SUB1: variants seen among roughly 807,000 people sequenced by gnomAD.
SUB1 encodes SUB1 regulator of transcription, also known as activated RNA polymerase II transcriptional coactivator p15.
In SUB1, 1 loss-of-function variant was observed where a neutral mutation model predicts 16.9. The ratio of observed to expected loss-of-function variants is 0.06; its 90% CI spans 0.02 to 0.28. The LOEUF is 0.28. SUB1 is among the 10% of genes least tolerant of loss of function. SUB1 has a pLI of 1.00. For missense variants in SUB1, 84 were observed against 145.2 expected, an observed-to-expected ratio of 0.58 and a Z score of 2.16; for synonymous variants, 51 against 46.9, an observed-to-expected ratio of 1.09 and a Z score of -0.36.
rs996368073 is a variant in SUB1, at chr5:32,601,069, A to C, written c.369A>C (p.Ala123=). The change falls in exon 5 of 5, where the codon GCA becomes GCC. Residue 123 remains alanine, a synonymous_variant. Transcript: ENST00000265073. ...AACAGATTTCTGACATTGATGATGC[A>C]GTAAGAAAACTGTAAAATTCGAGCC... The part of the protein sequence containing the change: ...LKEQISDIDD[A]VRKL 17 of 1,611,706 alleles carry C rather than the reference A, an allele frequency of 1.1e-5. No individual in the cohort carries two copies. Among genetic ancestry groups the C allele is most frequent in the Non-Finnish European group, 1.4e-5 (16 of 1,179,618 alleles).
chr5:32,598,920 C>G (rs1739048232), intron 3 of SUB1, 41 bp from the exon 4 acceptor site: 4 of 1,487,140 alleles, frequency 2.7e-6, no homozygotes, highest in Admixed American at 1.8e-5. Flanking sequence ...AGATACCACT[C>G]TTGAAAGGAG....
intron 3 of SUB1, chr5:32,595,203 A>G (rs1169085221): frequency 6.6e-6 from 1 of 151,860 alleles, no homozygotes; most frequent in Non-Finnish European, 1.5e-5. Context: ...TAAAAAAAAA[A>G]ATGTTTTTGA....
chr5:32,589,475 A>G (rs1177956705), intron 2 of SUB1, among the ~76,000 whole-genome samples: 1 of 152,206 alleles, frequency 6.6e-6, no homozygotes, highest in African/African-American at 2.4e-5. Context: ...TACATTTTTA[A>G]GTTTGTACTA....
intron 4 of SUB1, among the ~76,000 whole-genome samples, chr5:32,600,566 GAT>G (rs971583409): frequency 1.3e-5 from 2 of 151,894 alleles, no homozygotes; most frequent in Admixed American, 6.6e-5. Context: ...AAATGTAAGA[GAT>G]ATGATTTTCA....
At chr5:32,587,627 T>C (rs1738706474) in intron 1 of SUB1, among the ~76,000 whole-genome samples, 1 of 152,132 alleles carries the variant, frequency 6.6e-6, no homozygotes, top group Admixed American at 6.5e-5. Flanking sequence ...TTTTTTTTTT[T>C]TGAGATGGAG....
At chr5:32,600,472 G>T (rs1042068334) in intron 4 of SUB1, among the ~76,000 whole-genome samples, 1 of 152,202 alleles carries the variant, frequency 6.6e-6, no homozygotes, top group Non-Finnish European at 1.5e-5. Flanking sequence ...GGTTACAATA[G>T]GTACTATGCA....
chr5:32,587,089 T>C (rs968899472), intron 1 of SUB1, among the ~76,000 whole-genome samples: 1 of 152,146 alleles, frequency 6.6e-6, no homozygotes, highest in South Asian at 2.1e-4. Flanking sequence ...ATACAGAAAT[T>C]AGCTAATTTA....
At chr5:32,591,509 A>T in intron 2 of SUB1, 54 bp from the exon 3 acceptor site, 1 of 1,529,860 alleles carries the variant, frequency 6.5e-7, no homozygotes, top group Non-Finnish European at 8.8e-7. Context: ...ATCTTTTGAC[A>T]CTGGGGTATG....
chr5:32,588,452 G>A, intron 1 of SUB1, 60 bp from the exon 2 acceptor site: 1 of 1,451,714 alleles, frequency 6.9e-7, no homozygotes, highest in Non-Finnish European at 9.4e-7. Flanking sequence ...TTGGGGGAGA[G>A]CTAAGTTGAA....
At position 32,591,698 on chromosome 5, in the gene SUB1, A is replaced by ATTT. The variant is rs567336710; in HGVS notation, c.195+31_195+33dup. ...TAACATGTTTCAGGTAAAGTTGGCT[A>ATTT]TTTTTTTTTTTTTTTTTTTTGACAT... On this transcript the variant is annotated intron_variant, in intron 3 of 4. Transcript: ENST00000265073. 348 of 1,383,790 alleles carry ATTT rather than the reference A, an allele frequency of 2.5e-4. No individual in the cohort carries two copies. Among genetic ancestry groups the ATTT allele is most frequent in the South Asian group, 7.7e-4 (47 of 61,206 alleles). 85.7% of individuals were successfully genotyped at this position (1,383,790 alleles called of 1,614,324 possible). A position where few individuals can be genotyped will look rare whatever the true frequency, so the allele number is the denominator to read the frequency against.
At chr5:32,593,517 T>C (rs888687356) in intron 3 of SUB1, among the ~76,000 whole-genome samples, 1 of 152,316 alleles carries the variant, frequency 6.6e-6, no homozygotes, top group African/African-American at 2.4e-5. Context: ...ACACACATTT[T>C]AGAGATTCTG....
At chr5:32,586,241 G>A (rs974316406) in intron 1 of SUB1, 1 of 152,210 alleles carries the variant, frequency 6.6e-6, no homozygotes, top group African/African-American at 2.4e-5. Context: ...GGGTTCTAGC[G>A]GCTTGCTGGG....
intron 3 of SUB1, among the ~76,000 whole-genome samples, chr5:32,593,992 T>A (rs976674667): frequency 4.6e-5 from 7 of 152,152 alleles, no homozygotes; most frequent in Non-Finnish European, 1.0e-4. Context: ...GCGCCCAGCC[T>A]AGGCCTTATT....
rs1579511939 is a variant in SUB1 at position 32,591,417 on chromosome 5, G to C, written c.73-146G>C. On this transcript the variant is annotated intron_variant, in intron 2 of 4. Coordinates refer to ENST00000265073, the MANE Select transcript of SUB1 (RefSeq NM_006713.4). Reference sequence around the variant, plus strand: ...GATTGGTTAGATTCATAGTTTTGTTGTTGAGTGAAACTTGCTTATGTATAT... The same window carrying C: ...GATTGGTTAGATTCATAGTTTTGTTCTTGAGTGAAACTTGCTTATGTATAT... 3.6e-6 allele frequency: 4 copies of C among 1,126,212 alleles called. No individual in the cohort carries two copies. In the Admixed American group the frequency reaches 1.4e-4, roughly 40 times the overall value. The allele number at this position is 1,126,212 out of a possible 1,614,324, so 69.8% of individuals were successfully genotyped here. A position where few individuals can be genotyped will look rare whatever the true frequency, so the allele number is the denominator to read the frequency against.
At chr5:32,591,146 G>A (rs540087032) in intron 2 of SUB1, 1 of 153,018 alleles carries the variant, frequency 6.5e-6, no homozygotes, top group South Asian at 2.1e-4. Flanking sequence ...AATGGAATAA[G>A]TTGGTTATAT....
At position 32,601,109 on chromosome 5, in the gene SUB1, T is replaced by C; in HGVS notation, c.*25T>C. ...AAATTCGAGCCATATAAATAAAACC[T>C]GTACTGTTCTAGTTGTTTTAATCTG... On this transcript the variant is annotated 3_prime_UTR_variant, in exon 5 of 5. Coordinates refer to ENST00000265073, the MANE Select transcript of SUB1 (RefSeq NM_006713.4). 6.4e-7 allele frequency: 1 copy of C among 1,563,690 alleles called. No homozygotes were observed. Among genetic ancestry groups the C allele is most frequent in the Non-Finnish European group, 8.8e-7 (1 of 1,136,832 alleles).
chr5:32,591,345 C>T, intron 2 of SUB1: 1 of 503,280 alleles, frequency 2.0e-6, no homozygotes, highest in Non-Finnish European at 3.1e-6. Flanking sequence ...CCTGAAGTGT[C>T]TTTTGGGATC....
At chr5:32,594,738 G>A (rs575591208) in intron 3 of SUB1, 1 of 276,154 alleles carries the variant, frequency 3.6e-6, no homozygotes, top group Non-Finnish European at 7.6e-6. Context: ...GATCTAGGTT[G>A]TGCGTTCCTT....
At chr5:32,588,351 T>C (rs538276502) in intron 1 of SUB1, among the ~76,000 whole-genome samples, 161 bp from the exon 2 acceptor site, 5 of 152,156 alleles carry the variant, frequency 3.3e-5, no homozygotes, top group Non-Finnish European at 5.9e-5. Context: ...CTTAAAAGGG[T>C]ATAGATTAAA....
Sources: allele counts gnomAD v4.1 joint callset (sites outside exome capture counted in the v4.1 genomes callset), GRCh38; gene constraint gnomAD v4.1.1; transcripts MANE v1.5; gene names NCBI Gene and HGNC (gene_info 2026-07-23, HGNC 2026-07-21).